IWS1: variants seen among roughly 807,000 people sequenced by gnomAD.
IWS1 encodes interacts with SUPT6H, CTD assembly factor 1.
Under a neutral mutation model 86.7 loss-of-function variants are expected in IWS1, and 27 were observed. The observed-to-expected ratio is 0.31, with a 90% confidence interval of 0.23 to 0.43. The LOEUF (loss-of-function observed/expected upper bound fraction) is 0.43. Among genes scored for constraint, IWS1 ranks in the 20% least tolerant of loss-of-function variants. The pLI is 1.00. For missense variants in IWS1, 827 were observed against 1,000.8 expected, an observed-to-expected ratio of 0.83 and a Z score of 2.34; for synonymous variants, 313 against 335.1, an observed-to-expected ratio of 0.93 and a Z score of 0.72.
intron 6 of IWS1, 30 bp downstream of exon 6, chr2:127,498,081 ATAGTCTCTACCTTGATTTTTAAACTTCTC>A: frequency 7.6e-7 from 1 of 1,311,196 alleles, no homozygotes; most frequent in Non-Finnish European, 1.1e-6. Context: ...AGAGAGTTTA[ATAGTCTCTACCTTGATTTTTAAACTTCTC>A]TTTAACAAAT....
chr2:127,513,047 C>T (rs778376424), intron 2 of IWS1, among the ~76,000 whole-genome samples: 7 of 152,198 alleles, frequency 4.6e-5, no homozygotes, highest in Non-Finnish European at 1.0e-4. Context: ...TCAAGACCAG[C>T]CTGGCCAATA....
intron 2 of IWS1, among the ~76,000 whole-genome samples, chr2:127,507,468 A>G (rs760104328): frequency 2.0e-5 from 3 of 152,186 alleles, no homozygotes; most frequent in Non-Finnish European, 4.4e-5. Context: ...GGCACTCAAC[A>G]CAGTACTGTA....
At chr2:127,515,886 G>C (rs1306267596) in intron 2 of IWS1, among the ~76,000 whole-genome samples, 2 of 152,174 alleles carry the variant, frequency 1.3e-5, no homozygotes, top group African/African-American at 4.8e-5. Flanking sequence ...CAGGGCATCA[G>C]CATCTCTCAT....
intron 13 of IWS1, chr2:127,486,304 G>T (rs1689926644): frequency 3.1e-6 from 1 of 320,054 alleles, no homozygotes; most frequent in Non-Finnish European, 6.0e-6. Context: ...TTAATAAGAA[G>T]AAACTTCCCT....
intron 13 of IWS1, chr2:127,482,977 T>G (rs1210304280): frequency 6.6e-6 from 1 of 150,490 alleles, no homozygotes; most frequent in East Asian, 2.0e-4. Flanking sequence ...TTTACCATGG[T>G]AAGTAAAAAA....
At chr2:127,506,206 A>G (rs1691141562) in intron 2 of IWS1, among the ~76,000 whole-genome samples, 1 of 152,182 alleles carries the variant, frequency 6.6e-6, no homozygotes, top group Admixed American at 6.5e-5. Flanking sequence ...TGTCTCTATT[A>G]AAAATACAAA....
chr2:127,504,497 C>G (rs1026975726), intron 3 of IWS1, among the ~76,000 whole-genome samples, 187 bp downstream of exon 3: 1 of 152,006 alleles, frequency 6.6e-6, no homozygotes, highest in Non-Finnish European at 1.5e-5. Flanking sequence ...TAATAGAACT[C>G]CAAGGAAACT....
At chr2:127,490,922 T>G (rs1193962655) in intron 10 of IWS1, 2 of 152,136 alleles carry the variant, frequency 1.3e-5, no homozygotes, top group Non-Finnish European at 2.9e-5. Context: ...AAAAGAAAAA[T>G]AATTATTCTA....
At chr2:127,512,082 C>A (rs1467647416) in intron 2 of IWS1, among the ~76,000 whole-genome samples, 1 of 152,184 alleles carries the variant, frequency 6.6e-6, no homozygotes, top group Admixed American at 6.5e-5. Context: ...GGTTCCATTC[C>A]CAAACAACAT....
chr2:127,526,747 C>T (rs1217307902), upstream of IWS1: 1 of 1,187,698 alleles, frequency 8.4e-7, no homozygotes, highest in African/African-American at 1.6e-5. Flanking sequence ...TTGAGATACT[C>T]TTCCGAAAAA....
chr2:127,516,423 A>G (rs939777091), intron 2 of IWS1, among the ~76,000 whole-genome samples: 1 of 152,212 alleles, frequency 6.6e-6, no homozygotes, highest in Non-Finnish European at 1.5e-5. Flanking sequence ...CAATGAGAAA[A>G]AAAAGAGGAC....
At position 127,504,854 on chromosome 2, in the gene IWS1, T is replaced by C. The variant is rs1691030855; in HGVS notation, c.1049A>G (p.His350Arg). 1 of 1,614,102 alleles carries C rather than the reference T, an allele frequency of 6.2e-7. No individual in the cohort carries two copies. Among genetic ancestry groups the C allele is most frequent in the South Asian group, 1.1e-5 (1 of 91,092 alleles). ...TTTTCTGTCCATATGGCTGTCTGAA[T>C]GGAAGGAGTCATTCTGCATTTCTGT... ...EDTEMQNDSF[H>R]SDSHMDRKKF... The change falls in exon 3 of 14, where the codon CAT (histidine) becomes CGT (arginine). Residue 350 changes from histidine (H) to arginine (R), a missense_variant. By Grantham distance (29) the His-to-Arg change is conservative (BLOSUM62 0). This residue lies in a region of IWS1 where 548 missense variants were observed against 560.2 expected (regional missense o/e 0.98). Transcript: ENST00000295321.
intron 7 of IWS1, among the ~76,000 whole-genome samples, chr2:127,495,221 A>C (rs566429667): frequency 6.6e-6 from 1 of 152,334 alleles, no homozygotes; most frequent in Admixed American, 6.5e-5. Flanking sequence ...CATAACTGTC[A>C]AATTTTCAGA....
At chr2:127,506,533 T>C (rs1485763936) in intron 2 of IWS1, among the ~76,000 whole-genome samples, 2 of 152,112 alleles carry the variant, frequency 1.3e-5, no homozygotes, top group Admixed American at 6.5e-5. Flanking sequence ...TCAAATAACA[T>C]ATGGGCACCT....
Position 127,526,470 on chromosome 2 carries a change from C to A in IWS1, c.-262G>T, listed in dbSNP as rs1453813783. The stretch of plus-strand genomic sequence containing the variant: ...GGCGTTCTACTTCCTAGAAGCACCG[C>A]TGGGGCCAAAATGGCGTCTGCCCAC... On this transcript the variant is annotated 5_prime_UTR_variant, in exon 1 of 14. Transcript: ENST00000295321. 2 of 1,528,922 alleles carry A rather than the reference C, an allele frequency of 1.3e-6. No individual in the cohort carries two copies. Among genetic ancestry groups the A allele is most frequent in the South Asian group, 1.2e-5 (1 of 82,924 alleles). 94.7% of individuals were successfully genotyped at this position (1,528,922 alleles called of 1,614,324 possible). A position where few individuals can be genotyped will look rare whatever the true frequency, so the allele number is the denominator to read the frequency against.
chr2:127,520,902 T>A (rs571210558), intron 2 of IWS1, among the ~76,000 whole-genome samples: 1 of 152,334 alleles, frequency 6.6e-6, no homozygotes, highest in South Asian at 2.1e-4. Flanking sequence ...AACATTACGC[T>A]TATTGAGAAT....
rs1021476911 is a variant in IWS1, at chr2:127,480,885, G to C, written c.*159C>G. 8.2e-6 allele frequency: 6 copies of C among 735,938 alleles called. No homozygotes were observed. Among genetic ancestry groups the C allele is most frequent in the African/African-American group, 7.3e-5 (4 of 55,128 alleles). 45.6% of individuals were successfully genotyped at this position (735,938 alleles called of 1,614,324 possible). A position where few individuals can be genotyped will look rare whatever the true frequency, so the allele number is the denominator to read the frequency against. ...ATTCCTTTGTACAAAGTACACAACG[G>C]TTTTAAATATAACTGAGAGAAATGT... On this transcript the variant is annotated 3_prime_UTR_variant, in exon 14 of 14. Transcript: ENST00000295321.
At chr2:127,522,407 A>C (rs1363904059) in intron 2 of IWS1, among the ~76,000 whole-genome samples, 1 of 152,222 alleles carries the variant, frequency 6.6e-6, no homozygotes, top group African/African-American at 2.4e-5. Flanking sequence ...ATCTTCTAGC[A>C]GACTACACAA....
chr2:127,526,457 C>T lies in IWS1; in HGVS notation c.-249G>A, dbSNP rs1409519784. The T allele has an allele frequency of 1.3e-6, 2 of 1,532,084 alleles. No homozygotes were observed. The highest frequency in any genetic ancestry group is 1.4e-5 in the African/African-American group (1 of 72,880). 94.9% of individuals were successfully genotyped at this position (1,532,084 alleles called of 1,614,324 possible). On this transcript the variant is annotated 5_prime_UTR_variant, in exon 1 of 14. Coordinates refer to ENST00000295321, the MANE Select transcript of IWS1 (RefSeq NM_017969.3). The stretch of plus-strand genomic sequence containing the variant: ...AGGCATGCGAGCCGGCGTTCTACTT[C>T]CTAGAAGCACCGCTGGGGCCAAAAT...
Sources: gnomAD v4.1 joint callset for allele counts (sites outside exome capture counted in the v4.1 genomes callset) on GRCh38, gnomAD v4.1.1 for gene constraint, gnomAD v4.1.1 regional missense constraint, MANE v1.5 for transcripts, NCBI Gene and HGNC (gene_info 2026-07-23, HGNC 2026-07-21) for gene names.